Variants in STK4 observed in about 807,000 individuals in gnomAD.
The protein encoded by STK4 is serine/threonine-protein kinase 4.
STK4 carries 30 observed loss-of-function variants against 64.9 expected under a neutral mutation model. The ratio of observed to expected loss-of-function variants is 0.46; its 90% CI spans 0.35 to 0.63. STK4 has a LOEUF of 0.63. Among genes scored for constraint, STK4 ranks in the 20% least tolerant of loss-of-function variants. The probability of loss-of-function intolerance (pLI) is 0.01; values close to 1 mark genes in which losing one functional copy is unlikely to be tolerated. For synonymous variants in STK4, 177 were observed against 199.0 expected, an observed-to-expected ratio of 0.89 and a Z score of 0.93; for missense variants, 466 against 598.5, an observed-to-expected ratio of 0.78 and a Z score of 2.31.
At chr20:45,065,612 G>A (rs1326445876) in intron 10 of STK4, among the ~76,000 whole-genome samples, 1 of 143,654 alleles carries the variant, frequency 7.0e-6, no homozygotes, top group African/African-American at 2.5e-5. Flanking sequence ...AATCCATCTG[G>A]TCCTGGTCCT....
At chr20:44,989,537 C>T (rs2067596175) in intron 5 of STK4, among the ~76,000 whole-genome samples, 1 of 152,038 alleles carries the variant, frequency 6.6e-6, no homozygotes, top group Non-Finnish European at 1.5e-5. Context: ...AATATTTTCT[C>T]TCATTCTGTG....
rs368800624 is a variant in STK4 at position 44,996,331 on chromosome 20, A to C, written c.694-838A>C. 8.7e-5 allele frequency among the ~76,000 whole-genome samples: 13 copies of C among 150,188 alleles called. No individual in the cohort carries two copies. In the East Asian group the frequency reaches 1.4e-3, roughly 16 times the overall value. ...CTTCATCACAGCACTGTTGTAATAC[A>C]CCCCCCCGCCAACCCTGCCTTCCTC... On this transcript the variant is annotated intron_variant, in intron 6 of 10. Coordinates refer to ENST00000372806, the MANE Select transcript of STK4 (RefSeq NM_006282.5).
At chr20:45,036,989 G>T (rs576604701) in intron 10 of STK4, among the ~76,000 whole-genome samples, 3 of 152,148 alleles carry the variant, frequency 2.0e-5, no homozygotes, top group Non-Finnish European at 4.4e-5. Flanking sequence ...GGAGGTGGTT[G>T]ACTACAGTTA....
intron 10 of STK4, among the ~76,000 whole-genome samples, chr20:45,066,370 C>T (rs569977324): frequency 3.1e-4 from 47 of 152,136 alleles, no homozygotes; most frequent in Non-Finnish European, 5.3e-4. Flanking sequence ...AAGAAGAAAA[C>T]TTGTTTTTTG....
At chr20:45,050,785 G>T (rs2068765377) in intron 10 of STK4, among the ~76,000 whole-genome samples, 1 of 151,712 alleles carries the variant, frequency 6.6e-6, no homozygotes, top group African/African-American at 2.4e-5. Flanking sequence ...TTTTCTTGTG[G>T]TTTCTGGAAT....
rs139735617 is a variant in STK4 at position 45,024,086 on chromosome 20, G to A, written c.1148-887G>A. Among the ~76,000 whole-genome samples the A allele has an allele frequency of 9.4e-4, 142 of 151,752 alleles. 4 individuals carry two copies. In the East Asian group the frequency reaches 0.013, roughly 13 times the overall value. ...CGGCTAATTTTTTGTATTTTTAATAGAGATGGGGTTTCATCGTATTAGCCA... is the reference window on the plus strand; with the variant it reads ...CGGCTAATTTTTTGTATTTTTAATAAAGATGGGGTTTCATCGTATTAGCCA... On this transcript the variant is annotated intron_variant, in intron 9 of 10. Transcript: ENST00000372806.
At chr20:45,053,169 A>T in intron 10 of STK4, 3 of 1,611,620 alleles carry the variant, frequency 1.9e-6, no homozygotes, top group Non-Finnish European at 2.5e-6. Context: ...ACGCTTTCTG[A>T]GAAACCACAT....
chr20:45,007,043 T>TTTTG (rs145577732), intron 9 of STK4, among the ~76,000 whole-genome samples: 4,254 of 152,164 alleles, frequency 0.028, 180 homozygotes, highest in African/African-American at 0.092. Flanking sequence ...ATGGGTTGTT[T>TTTTG]TTTGTTTGTT....
At chr20:45,021,055 A>G (rs2068239066) in intron 9 of STK4, among the ~76,000 whole-genome samples, 1 of 152,092 alleles carries the variant, frequency 6.6e-6, no homozygotes, top group Non-Finnish European at 1.5e-5. Flanking sequence ...CCTGGGCTCA[A>G]GCAGTCTACC....
At chr20:45,033,780 A>C (rs1223605664) in intron 10 of STK4, among the ~76,000 whole-genome samples, 1 of 152,074 alleles carries the variant, frequency 6.6e-6, no homozygotes, top group Non-Finnish European at 1.5e-5. Context: ...GGGTTTCACC[A>C]TGTTGGCCAG....
intron 9 of STK4, 37 bp from the exon 10 acceptor site, chr20:45,024,936 A>G (rs1415970929): frequency 2.0e-6 from 3 of 1,510,174 alleles, no homozygotes; most frequent in African/African-American, 2.8e-5. Flanking sequence ...AAAATTTAGA[A>G]TGTTTCTTTT....
intron 10 of STK4, among the ~76,000 whole-genome samples, chr20:45,073,589 A>T (rs1424763400): frequency 2.0e-5 from 3 of 152,190 alleles, no homozygotes; most frequent in Admixed American, 6.5e-5. Flanking sequence ...GACCTCTTGT[A>T]AGACTTTGAG....
At chr20:45,072,257 G>A (rs1207909122) in intron 10 of STK4, among the ~76,000 whole-genome samples, 3 of 152,116 alleles carry the variant, frequency 2.0e-5, no homozygotes, top group African/African-American at 7.2e-5. Flanking sequence ...TCTTACAAAT[G>A]GGGAAATTAA....
At chr20:45,048,874 C>T (rs188563080) in intron 10 of STK4, among the ~76,000 whole-genome samples, 14 of 152,152 alleles carry the variant, frequency 9.2e-5, no homozygotes, top group Admixed American at 8.5e-4. Context: ...TTTCTTGTTC[C>T]TAGGGTTTAA....
At chr20:45,012,709 T>C (rs1032496845) in intron 9 of STK4, among the ~76,000 whole-genome samples, 6 of 151,866 alleles carry the variant, frequency 4.0e-5, no homozygotes, top group Admixed American at 3.9e-4. Flanking sequence ...ATTGCCTTTT[T>C]AAAAAAATGG....
At chr20:45,014,613 T>G (rs2068109293) in intron 9 of STK4, among the ~76,000 whole-genome samples, 1 of 152,108 alleles carries the variant, frequency 6.6e-6, no homozygotes, top group Non-Finnish European at 1.5e-5. Context: ...TGCACAGACT[T>G]GTAGTTTAGC....
At chr20:45,003,070 T>C (rs908185722) in intron 9 of STK4, among the ~76,000 whole-genome samples, 3 of 152,192 alleles carry the variant, frequency 2.0e-5, no homozygotes, top group Non-Finnish European at 2.9e-5. Flanking sequence ...GTACAGTAGG[T>C]ATGATCAGCT....
At chr20:45,039,038 C>G (rs888493945) in intron 10 of STK4, among the ~76,000 whole-genome samples, 2 of 151,986 alleles carry the variant, frequency 1.3e-5, no homozygotes, top group African/African-American at 2.4e-5. Context: ...AAAGACAGAA[C>G]TATTGTAATA....
intron 9 of STK4, among the ~76,000 whole-genome samples, chr20:45,011,729 ATTTTT>A (rs869113711): frequency 0.01 from 1,191 of 115,288 alleles, 49 homozygotes; most frequent in Middle Eastern, 0.02. Flanking sequence ...ATATATATAT[ATTTTT>A]TTTTTTTTTT....
Sources: allele counts gnomAD v4.1 joint callset (sites outside exome capture counted in the v4.1 genomes callset), GRCh38; gene constraint gnomAD v4.1.1; transcripts MANE v1.5; gene names NCBI Gene and HGNC (gene_info 2026-07-23, HGNC 2026-07-21).